The following CASC3 variants were observed in gnomAD, a reference collection of about 807,000 sequenced individuals.
CASC3 encodes the protein protein CASC3.
Under a neutral mutation model 80.5 loss-of-function variants are expected in CASC3, and 30 were observed. The ratio of observed to expected loss-of-function variants is 0.37; its 90% CI spans 0.28 to 0.51. The LOEUF (loss-of-function observed/expected upper bound fraction) is 0.51. Ranked by LOEUF, CASC3 falls within the 20% of genes least tolerant of loss-of-function variation. The pLI is 0.94. For missense variants in CASC3, 824 were observed against 922.2 expected (o/e 0.89, Z 1.38); for synonymous variants, 312 against 333.6 (o/e 0.94, Z 0.70).
intron 13 of CASC3, 111 bp from the exon 14 acceptor site, chr17:40,170,336 C>A: frequency 1.4e-6 from 1 of 689,674 alleles, no homozygotes; most frequent in Non-Finnish European, 1.8e-6. Context: ...TGTTTAAGGA[C>A]ATTACTTAAA....
Position 40,150,233 on chromosome 17 carries a change from C to T in CASC3, c.297+8626C>T, listed in dbSNP as rs188417689. Among the ~76,000 whole-genome samples the T allele has an allele frequency of 4.6e-5, 7 of 152,032 alleles. No homozygotes were observed. In the East Asian group the frequency reaches 7.7e-4, roughly 17 times the overall value. On this transcript the variant is annotated intron_variant, in intron 3 of 13. Transcript: ENST00000264645. ...CTCTCTCTACAAAAAATCAACCTGG[C>T]GCAGTGATGTGTGCTTATGTCCCAG... is the stretch of plus-strand genomic sequence containing the variant.
In CASC3 at chr17:40,168,302, T is replaced by G; in HGVS notation, c.1850T>G (p.Leu617Arg). Residue 617 changes from leucine (L) to arginine (R), a missense_variant, in exon 11 of 14, where the codon CTT becomes CGT. Leu to Arg is a moderately radical substitution (Grantham distance 102, BLOSUM62 -2). Transcript: ENST00000264645. ...GGACAGCCACCACCTCAGCAGTTGC[T>G]TGCTCCTACTTACTTTTCTGCTCCA... ...SPGQPPPQQL[L>R]APTYFSAPGV... 4.3e-6 allele frequency: 7 copies of G among 1,614,158 alleles called. No homozygotes were observed. The highest frequency in any genetic ancestry group is 5.9e-6 in the Non-Finnish European group (7 of 1,180,020).
At chr17:40,140,869 A>G (rs1045996173) in intron 1 of CASC3, 90 bp downstream of exon 1, 9 of 1,026,784 alleles carry the variant, frequency 8.8e-6, no homozygotes, top group Non-Finnish European at 1.1e-5. Flanking sequence ...CTGTGAGTTG[A>G]TAGTAGATAC....
rs1173003396 is a variant in CASC3 at position 40,170,863 on chromosome 17, C to T, written c.*458C>T. On this transcript the variant is annotated 3_prime_UTR_variant, in exon 14 of 14. Transcript: ENST00000264645. ...TTTTTCTCTTTGTTTCTGTTTCTTGCTCTCTCTCCCTGCCTTTAAATGAAA... is the reference window on the plus strand; with the variant it reads ...TTTTTCTCTTTGTTTCTGTTTCTTGTTCTCTCTCCCTGCCTTTAAATGAAA... 1 of 984,960 alleles carries T rather than the reference C, an allele frequency of 1.0e-6. No homozygotes were observed. The highest frequency in any genetic ancestry group is 1.7e-5 in the African/African-American group (1 of 57,170). The allele number at this position is 984,960 out of a possible 1,614,324, so 61.0% of individuals were successfully genotyped here. A position where few individuals can be genotyped will look rare whatever the true frequency, so the allele number is the denominator to read the frequency against.
In CASC3 at chr17:40,171,809, C is replaced by T; in HGVS notation, c.*1404C>T. ...GGTAATGTCACTGTTTTTATTCCTT[C>T]CATCTAGCAGCTGGCCTAATCACTC... On this transcript the variant is annotated 3_prime_UTR_variant, in exon 14 of 14. Transcript: ENST00000264645. 8.5e-7 allele frequency: 1 copy of T among 1,171,516 alleles called. No homozygotes were observed. 72.6% of individuals were successfully genotyped at this position (1,171,516 alleles called of 1,614,324 possible). A position where few individuals can be genotyped will look rare whatever the true frequency, so the allele number is the denominator to read the frequency against.
chr17:40,156,884 A>G (rs1456036233), intron 3 of CASC3, among the ~76,000 whole-genome samples: 1 of 151,662 alleles, frequency 6.6e-6, no homozygotes, highest in Non-Finnish European at 1.5e-5. Context: ...TACAAAAAAA[A>G]GGACAAAAAT....
chr17:40,164,430 AT>A (rs111608494), intron 7 of CASC3, among the ~76,000 whole-genome samples: 50 of 145,198 alleles, frequency 3.4e-4, no homozygotes, highest in Admixed American at 5.5e-4. Flanking sequence ...CGCCCAGCTA[AT>A]TTTTTTTTTT....
chr17:40,140,783 A>AGTGCGCGC lies in CASC3; in HGVS notation c.231+5_231+12dup. 1.1e-6 allele frequency: 1 copy of AGTGCGCGC among 949,344 alleles called. No homozygotes were observed. The highest frequency in any genetic ancestry group is 1.3e-6 in the Non-Finnish European group (1 of 794,168). The allele number at this position is 949,344 out of a possible 1,614,324, so 58.8% of individuals were successfully genotyped here. On this transcript the variant is annotated splice_donor_region_variant and intron_variant, in intron 1 of 13. Coordinates refer to ENST00000264645, the MANE Select transcript of CASC3 (RefSeq NM_007359.5). ...GAGTGCTGAGGAGTCGGAGTGTGTG[A>AGTGCGCGC]GTGCGCGCAGGCGGGGCGGGGTGGG...
Position 40,140,727 on chromosome 17 carries a change from A to C in CASC3, c.179A>C (p.His60Pro). 1 of 1,531,842 alleles carries C rather than the reference A, an allele frequency of 6.5e-7. No individual in the cohort carries two copies. The highest frequency in any genetic ancestry group is 8.8e-7 in the Non-Finnish European group (1 of 1,138,518). The allele number at this position is 1,531,842 out of a possible 1,614,324, so 94.9% of individuals were successfully genotyped here. A position where few individuals can be genotyped will look rare whatever the true frequency, so the allele number is the denominator to read the frequency against. Reference sequence around the variant, plus strand: ...CGCGGAGGCCGAACCGGGGCCCTTCATCTGCGGCGGGTGGAGAGCGGGGGC... The same window carrying C: ...CGCGGAGGCCGAACCGGGGCCCTTCCTCTGCGGCGGGTGGAGAGCGGGGGC... ...SQRGGRTGAL[H>P]LRRVESGGAK... Residue 60 changes from histidine to proline, a missense_variant, in exon 1 of 14, where the codon CAT becomes CCT. By Grantham distance (77) the His-to-Pro change is moderately conservative. Around this residue, in one of 3 missense-constraint regions of CASC3, gnomAD observed 159 missense variants for 122.2 expected, o/e 1.30. Coordinates refer to ENST00000264645, the MANE Select transcript of CASC3 (RefSeq NM_007359.5).
Position 40,165,312 on chromosome 17 carries a change from A to G in CASC3, c.1471+1146A>G, listed in dbSNP as rs1008675480. Reference sequence around the variant, plus strand: ...ACTCCTGACCTTAAGTGATCGACCCATCTTGGCCTCCCAGAGTGCTGGGAT... The same window carrying G: ...ACTCCTGACCTTAAGTGATCGACCCGTCTTGGCCTCCCAGAGTGCTGGGAT... On this transcript the variant is annotated intron_variant, in intron 7 of 13. Transcript: ENST00000264645. 7.2e-5 allele frequency among the ~76,000 whole-genome samples: 11 copies of G among 152,204 alleles called. No homozygotes were observed. In the South Asian group the frequency reaches 1.5e-3, roughly 20 times the overall value.
At chr17:40,169,852 T>A (rs1989552840) in intron 13 of CASC3, among the ~76,000 whole-genome samples, 190 bp downstream of exon 13, 1 of 141,092 alleles carries the variant, frequency 7.1e-6, no homozygotes, top group African/African-American at 2.6e-5. Flanking sequence ...ATCTCCTGAG[T>A]TCAAGCGATT....
At position 40,140,760 on chromosome 17, in the gene CASC3, G is replaced by C. The variant is rs1370567272; in HGVS notation, c.212G>C (p.Ser71Thr). Residue 71 changes from serine to threonine, a missense_variant, in exon 1 of 14, where the codon AGT becomes ACT. Ser to Thr is a moderately conservative substitution (Grantham distance 58). Transcript: ENST00000264645. ...LRRVESGGAK[S>T]AEESECESED... Reference sequence around the variant, plus strand: ...CGGGTGGAGAGCGGGGGCGCCAAGAGTGCTGAGGAGTCGGAGTGTGTGAGT... The same window carrying C: ...CGGGTGGAGAGCGGGGGCGCCAAGACTGCTGAGGAGTCGGAGTGTGTGAGT... 2 of 1,508,000 alleles carry C rather than the reference G, an allele frequency of 1.3e-6. No individual in the cohort carries two copies. Among genetic ancestry groups the C allele is most frequent in the East Asian group, 5.0e-5 (2 of 40,334 alleles). 93.4% of individuals were successfully genotyped at this position (1,508,000 alleles called of 1,614,324 possible).
intron 3 of CASC3, among the ~76,000 whole-genome samples, chr17:40,151,694 C>CAA (rs1010260103): frequency 0.096 from 5,067 of 52,910 alleles, 287 homozygotes; most frequent in African/African-American, 0.22. Flanking sequence ...ACCTTCATCT[C>CAA]AAAAAAAAAA....
At position 40,171,579 on chromosome 17, in the gene CASC3, G is replaced by C. The variant is rs1989594557; in HGVS notation, c.*1174G>C. 1 of 989,918 alleles carries C rather than the reference G, an allele frequency of 1.0e-6. No individual in the cohort carries two copies. The highest frequency in any genetic ancestry group is 4.6e-5 in the South Asian group (1 of 21,720). The allele number at this position is 989,918 out of a possible 1,614,324, so 61.3% of individuals were successfully genotyped here. A position where few individuals can be genotyped will look rare whatever the true frequency, so the allele number is the denominator to read the frequency against. On this transcript the variant is annotated 3_prime_UTR_variant, in exon 14 of 14. Coordinates refer to ENST00000264645, the MANE Select transcript of CASC3 (RefSeq NM_007359.5). ...TTGCAGACAGAATATAAAAACTCCTGGGCTTAAGGCCTAAGGAAGCCAGTC... is the reference window on the plus strand; with the variant it reads ...TTGCAGACAGAATATAAAAACTCCTCGGCTTAAGGCCTAAGGAAGCCAGTC...
intron 8 of CASC3, 94 bp downstream of exon 8, chr17:40,166,955 T>C: frequency 1.1e-6 from 1 of 890,976 alleles, no homozygotes; most frequent in Non-Finnish European, 1.7e-6. Context: ...TTTTTTTTTC[T>C]TTTCTTTCTT....
intron 3 of CASC3, among the ~76,000 whole-genome samples, chr17:40,147,827 T>C (rs982185028): frequency 2.0e-5 from 3 of 152,202 alleles, no homozygotes; most frequent in Admixed American, 1.3e-4. Context: ...AAATAGTTTT[T>C]GATTCCTAAT....
intron 8 of CASC3, 105 bp downstream of exon 8, chr17:40,166,966 T>G: frequency 1.2e-6 from 1 of 848,532 alleles, no homozygotes; most frequent in Non-Finnish European, 1.8e-6. Context: ...TTTCTTTCTT[T>G]CTTTTTTTTT....
At chr17:40,143,810 CAG>C (rs1988782967) in intron 3 of CASC3, among the ~76,000 whole-genome samples, 1 of 151,336 alleles carries the variant, frequency 6.6e-6, no homozygotes, top group South Asian at 2.1e-4. Context: ...AGCCTGGTGA[CAG>C]GGCAAGACTC....
At chr17:40,147,958 A>G (rs940713551) in intron 3 of CASC3, among the ~76,000 whole-genome samples, 6 of 152,140 alleles carry the variant, frequency 3.9e-5, no homozygotes. Flanking sequence ...TAGAAGTTGC[A>G]ATTTTGATAT....
Sources: gnomAD v4.1 joint callset for allele counts (sites outside exome capture counted in the v4.1 genomes callset) on GRCh38, gnomAD v4.1.1 for gene constraint, gnomAD v4.1.1 regional missense constraint, MANE v1.5 for transcripts, NCBI Gene and HGNC (gene_info 2026-07-23, HGNC 2026-07-21) for gene names.